Variants in KIF5A observed in about 807,000 individuals in gnomAD.
KIF5A encodes kinesin heavy chain isoform 5A.
Under a neutral mutation model 141.3 loss-of-function variants are expected in KIF5A, and 35 were observed. The ratio of observed to expected loss-of-function variants is 0.25; its 90% CI spans 0.19 to 0.33. KIF5A has a LOEUF of 0.33. Ranked by LOEUF, KIF5A falls within the 10% of genes least tolerant of loss-of-function variation. KIF5A has a pLI of 1.00. For synonymous variants in KIF5A, 448 were observed against 500.2 expected, an observed-to-expected ratio of 0.90 and a Z score of 1.39; for missense variants, 861 against 1,314.3, an observed-to-expected ratio of 0.66 and a Z score of 5.33.
At chr12:57,578,419 G>C in intron 23 of KIF5A, 77 bp downstream of exon 23, 1 of 963,844 alleles carries the variant, frequency 1.0e-6, no homozygotes, top group Non-Finnish European at 1.7e-6. Flanking sequence ...AGGCCCCTTG[G>C]ATTCAGGAAA....
rs1019173851 is a variant in KIF5A, at chr12:57,575,501, A to C, written c.1906-139A>C. 3.4e-6 allele frequency: 3 copies of C among 893,742 alleles called. No homozygotes were observed. The African/African-American group carries it at 4.9e-5, about 15-fold the overall frequency. The allele number at this position is 893,742 out of a possible 1,614,324, so 55.4% of individuals were successfully genotyped here. On this transcript the variant is annotated intron_variant, in intron 16 of 28. Coordinates refer to ENST00000455537, the MANE Select transcript of KIF5A (RefSeq NM_004984.4). ...GGAGCTAAAGGAAGAGCCCCATAGG[A>C]ATGGCCCCCAACCCTGCACCCTCAT...
intron 19 of KIF5A, 84 bp from the exon 20 acceptor site, chr12:57,576,677 G>T: frequency 9.8e-7 from 1 of 1,017,892 alleles, no homozygotes. Flanking sequence ...CGTTCAAAAA[G>T]GAAGAAGTTT....
At position 57,569,757 on chromosome 12, in the gene KIF5A, G is replaced by T. The variant is rs566130243; in HGVS notation, c.1117+74G>T. 4 of 1,589,098 alleles carry T rather than the reference G, an allele frequency of 2.5e-6. No individual in the cohort carries two copies. In the East Asian group the frequency reaches 8.9e-5, roughly 36 times the overall value. ...ATGTTTGGGAGCCAACTCTGTTTGG[G>T]TGGTGTTTCTGGCCAGGCCAATCTC... On this transcript the variant is annotated intron_variant, in intron 11 of 28. Transcript: ENST00000455537.
intron 12 of KIF5A, 97 bp from the exon 13 acceptor site, chr12:57,571,224 A>G (rs1375733825): frequency 2.5e-6 from 2 of 798,102 alleles, no homozygotes; most frequent in Non-Finnish European, 4.5e-6. Context: ...TACTATCTGG[A>G]TTTTTATCAG....
chr12:57,570,903 C>A (rs1882233600), intron 12 of KIF5A, among the ~76,000 whole-genome samples: 3 of 152,118 alleles, frequency 2.0e-5, no homozygotes, highest in South Asian at 4.2e-4. Flanking sequence ...GGATCCCCCC[C>A]AACCTCAGCC....
At chr12:57,575,040 T>C (rs1594921746) in intron 15 of KIF5A, 44 bp from the exon 16 acceptor site, 1 of 1,597,762 alleles carries the variant, frequency 6.3e-7, no homozygotes, top group Middle Eastern at 1.7e-4. Flanking sequence ...AGATAAAGCT[T>C]CCCAGCAGCC....
rs978901860 is a variant in KIF5A at position 57,564,493 on chromosome 12, C to T, written c.430C>T (p.Arg144Cys). The change falls in exon 5 of 29, where the codon CGT becomes TGT. Residue 144 changes from arginine to cysteine, a missense_variant. Transcript: ENST00000455537. ...CTTTGAAATTTACCTGGACAAAATT[C>T]GTGACCTTCTGGATGGTGAGTGTTT... ...SYFEIYLDKI[R>C]DLLDVTKTNL... 1.9e-6 allele frequency: 3 copies of T among 1,612,428 alleles called. No individual in the cohort carries two copies. The highest frequency in any genetic ancestry group is 2.5e-6 in the Non-Finnish European group (3 of 1,178,558).
Position 57,563,449 on chromosome 12 carries a change from A to G in KIF5A, c.140A>G (p.Tyr47Cys). ...TTATTTTCATTCCAGGGGAAGCCAT[A>G]TGTTTTTGACCGTGTATTCCCCCCA... ...DDSVVIGGKP[Y>C]VFDRVFPPNT... Residue 47 changes from tyrosine to cysteine, a missense_variant, in exon 2 of 29, where the codon TAT (tyrosine) becomes TGT (cysteine). Tyr to Cys is a radical substitution (Grantham distance 194). Transcript: ENST00000455537. The G allele has an allele frequency of 6.2e-7, 1 of 1,611,446 alleles. No individual in the cohort carries two copies. The highest frequency in any genetic ancestry group is 1.1e-5 in the South Asian group (1 of 91,026).
intron 1 of KIF5A, among the ~76,000 whole-genome samples, chr12:57,551,440 T>G (rs1021949680): frequency 7.9e-5 from 12 of 152,218 alleles, no homozygotes; most frequent in Non-Finnish European, 2.9e-5. Flanking sequence ...TACCCAGGTT[T>G]CTGTTCTGCA....
chr12:57,550,253 C>A lies in KIF5A; in HGVS notation c.-19C>A. On this transcript the variant is annotated 5_prime_UTR_variant, in exon 1 of 29. Coordinates refer to ENST00000455537, the MANE Select transcript of KIF5A (RefSeq NM_004984.4). This position sits in a 1 kb window ranked among gnomAD's most constrained non-coding sequence, Gnocchi z 4.6. The stretch of plus-strand genomic sequence containing the variant: ...CCCTGCAGCCCAAGAAGAGTCCCAG[C>A]CCCACGCCGGCTACCACCATGGCGG... 6.2e-7 allele frequency: 1 copy of A among 1,613,792 alleles called. No homozygotes were observed. The highest frequency in any genetic ancestry group is 8.5e-7 in the Non-Finnish European group (1 of 1,179,962).
chr12:57,573,530 T>TAA (rs879424109), intron 15 of KIF5A, among the ~76,000 whole-genome samples: 3 of 131,810 alleles, frequency 2.3e-5, no homozygotes, highest in Non-Finnish European at 1.7e-5. Flanking sequence ...GACCTTGTCT[T>TAA]AAAAAAAAAA....
intron 7 of KIF5A, 98 bp downstream of exon 7, chr12:57,567,311 AC>A (rs1458184510): frequency 3.5e-6 from 4 of 1,136,932 alleles, no homozygotes; most frequent in Non-Finnish European, 5.1e-6. Context: ...AGGAAACTGT[AC>A]CCCCCAGAGG....
intron 1 of KIF5A, among the ~76,000 whole-genome samples, chr12:57,555,908 C>CA (rs763843453): frequency 0.5 from 45,497 of 91,662 alleles, 9,067 homozygotes; most frequent in East Asian, 0.66. Flanking sequence ...AACTCTATCT[C>CA]AAAAAAAAAA....
At chr12:57,558,674 CA>C (rs1030262002) in intron 1 of KIF5A, among the ~76,000 whole-genome samples, 2 of 152,080 alleles carry the variant, frequency 1.3e-5, no homozygotes, top group Non-Finnish European at 2.9e-5. Context: ...ACTCTTGTCT[CA>C]AAAAACAAAA....
intron 28 of KIF5A, among the ~76,000 whole-genome samples, chr12:57,583,572 C>T (rs976263169): frequency 6.6e-6 from 1 of 152,144 alleles, no homozygotes; most frequent in Non-Finnish European, 1.5e-5. Context: ...CCCTAGGGGG[C>T]CATCTCAACC....
chr12:57,573,359 A>G (rs957717016), intron 15 of KIF5A, among the ~76,000 whole-genome samples: 12 of 151,742 alleles, frequency 7.9e-5, no homozygotes, highest in African/African-American at 2.9e-4. Flanking sequence ...GTGAAACCCT[A>G]TCTCTACAAA....
chr12:57,556,143 T>G (rs1881733924), intron 1 of KIF5A, among the ~76,000 whole-genome samples: 2 of 110,470 alleles, frequency 1.8e-5, no homozygotes, highest in African/African-American at 3.7e-5. Flanking sequence ...CTCTTGGGTA[T>G]CTTTTTTTTT....
chr12:57,577,082 A>G (rs1882451831), intron 20 of KIF5A, among the ~76,000 whole-genome samples: 1 of 152,204 alleles, frequency 6.6e-6, no homozygotes, highest in Non-Finnish European at 1.5e-5. Flanking sequence ...ATTCAGTGTA[A>G]AAACAGGTTA....
chr12:57,564,837 C>T, intron 5 of KIF5A, 81 bp from the exon 6 acceptor site: 4 of 1,345,500 alleles, frequency 3.0e-6, no homozygotes, highest in South Asian at 2.4e-5. Flanking sequence ...GAGAAGAAAA[C>T]CACCATCTGA....
Sources: gnomAD v4.1 joint callset for allele counts (sites outside exome capture counted in the v4.1 genomes callset) on GRCh38, gnomAD v4.1.1 for gene constraint, Gnocchi (gnomAD v3.1) non-coding constraint, MANE v1.5 for transcripts, NCBI Gene and HGNC (gene_info 2026-07-23, HGNC 2026-07-21) for gene names.